Variants in GRK6 observed in about 807,000 individuals in gnomAD.
The protein encoded by GRK6 is G protein-coupled receptor kinase 6.
In GRK6, 37 loss-of-function variants were observed where a neutral mutation model predicts 80.8. The ratio of observed to expected loss-of-function variants is 0.46; its 90% confidence interval spans 0.35 to 0.60. The LOEUF is 0.60. Ranked by LOEUF, GRK6 falls within the 20% of genes least tolerant of loss-of-function variation. The pLI, the probability that GRK6 is intolerant of heterozygous loss-of-function variation, is 0.00. For missense variants in GRK6, 560 were observed against 784.6 expected (o/e 0.71, Z 3.42); for synonymous variants, 295 against 320.9 (o/e 0.92, Z 0.86).
At chr5:177,438,483 T>G (rs765739356) in intron 13 of GRK6, 1 of 152,110 alleles carries the variant, frequency 6.6e-6, no homozygotes, top group Non-Finnish European at 1.5e-5. Context: ...ATGTAAAATA[T>G]GTGAAGCGGA....
rs1280091222 is a variant in GRK6, at chr5:177,428,898, C to G, written c.53-1974C>G. 6.6e-6 allele frequency among the ~76,000 whole-genome samples: 1 copy of G among 152,132 alleles called. No homozygotes were observed. Among genetic ancestry groups the G allele is most frequent in the African/African-American group, 2.4e-5 (1 of 41,402 alleles). ...GAACTGGCTTTTCATGAGCTTGAGG[C>G]TGGGGCCCCTGACGGCTTCTCAAGT... is the stretch of plus-strand genomic sequence containing the variant. On this transcript the variant is annotated intron_variant, in intron 1 of 15. Transcript: ENST00000355472. The surrounding 1 kb of genome is among the most constrained non-coding windows in gnomAD (Gnocchi z 4.1).
At chr5:177,432,646 TG>T in intron 4 of GRK6, 59 bp from the exon 5 acceptor site, 2 of 1,214,072 alleles carry the variant, frequency 1.6e-6, no homozygotes, top group Non-Finnish European at 2.3e-6. Context: ...CCCTCTCCCC[TG>T]GAAGTGGGCA....
chr5:177,442,145 C>T lies in GRK6; in HGVS notation c.*355C>T, dbSNP rs796906825. ...GGGCAGCCAGCCCTGGCTGGGAGAGCGGGAGCTGGCAGAGGAGCCACTGCC... is the reference window on the plus strand; with the variant it reads ...GGGCAGCCAGCCCTGGCTGGGAGAGTGGGAGCTGGCAGAGGAGCCACTGCC... On this transcript the variant is annotated 3_prime_UTR_variant, in exon 16 of 16. Transcript: ENST00000355472. 2.1e-4 allele frequency: 63 copies of T among 306,208 alleles called. 1 individual carries two copies. Among genetic ancestry groups the T allele is most frequent in the African/African-American group, 1.3e-3 (61 of 45,260 alleles). 19.0% of individuals were successfully genotyped at this position (306,208 alleles called of 1,614,324 possible). A position where few individuals can be genotyped will look rare whatever the true frequency, so the allele number is the denominator to read the frequency against.
At chr5:177,435,313 C>G (rs1380767898) in intron 11 of GRK6, among the ~76,000 whole-genome samples, 192 bp downstream of exon 11, 1 of 152,254 alleles carries the variant, frequency 6.6e-6, no homozygotes, top group East Asian at 1.9e-4. Flanking sequence ...GAAGCCATGT[C>G]GTTCATTTGC....
Position 177,441,897 on chromosome 5 carries a change from G to A in GRK6, c.*107G>A. ...CCATTGTCCACTCAAGTCGTGGCCTGGGGAACACAGACGGAGCTGTCCCCA... is the reference window on the plus strand; with the variant it reads ...CCATTGTCCACTCAAGTCGTGGCCTAGGGAACACAGACGGAGCTGTCCCCA... On this transcript the variant is annotated 3_prime_UTR_variant, in exon 16 of 16. Coordinates refer to ENST00000355472, the MANE Select transcript of GRK6 (RefSeq NM_001004106.3). 1 of 1,046,938 alleles carries A rather than the reference G, an allele frequency of 9.6e-7. No homozygotes were observed. Among genetic ancestry groups the A allele is most frequent in the Non-Finnish European group, 1.5e-6 (1 of 687,406 alleles). The allele number at this position is 1,046,938 out of a possible 1,614,324, so 64.9% of individuals were successfully genotyped here.
At chr5:177,430,449 T>C (rs1245554768) in intron 1 of GRK6, among the ~76,000 whole-genome samples, 1 of 152,182 alleles carries the variant, frequency 6.6e-6, no homozygotes, top group African/African-American at 2.4e-5. Flanking sequence ...GGAGCCTCCT[T>C]GTCCCCATGC....
Position 177,433,166 on chromosome 5 carries a change from A to G in GRK6, c.460A>G (p.Ser154Gly). 6.2e-7 allele frequency: 1 copy of G among 1,614,022 alleles called. No homozygotes were observed. The highest frequency in any genetic ancestry group is 8.5e-7 in the Non-Finnish European group (1 of 1,180,002). ...ELTRLTHEYL[S>G]VAPFADYLDS... ...CAACAGGCTGACCCACGAGTACCTG[A>G]GCGTGGCCCCTTTTGCCGACTACCT... The change falls in exon 6 of 16, where the codon AGC (serine) becomes GGC (glycine). Residue 154 changes from serine (S) to glycine (G), a missense_variant. Ser to Gly is a moderately conservative substitution (Grantham distance 56, BLOSUM62 0). This residue lies in a region of GRK6 where 189 missense variants were observed against 230.2 expected (regional missense o/e 0.82). Transcript: ENST00000355472.
intron 1 of GRK6, 86 bp from the exon 2 acceptor site, chr5:177,430,786 C>A: frequency 1.7e-6 from 2 of 1,164,636 alleles, no homozygotes; most frequent in East Asian, 2.4e-5. Context: ...CTTGGCTGGG[C>A]CCTAGAGGCC....
chr5:177,430,225 C>T (rs1032302955), intron 1 of GRK6, among the ~76,000 whole-genome samples: 1 of 152,216 alleles, frequency 6.6e-6, no homozygotes, highest in East Asian at 1.9e-4. Context: ...ATCTGGCCCA[C>T]GTTTCCCACA....
chr5:177,434,422 A>G (rs1446660606), intron 9 of GRK6, among the ~76,000 whole-genome samples: 1 of 152,130 alleles, frequency 6.6e-6, no homozygotes, highest in Admixed American at 6.5e-5. Context: ...CCTACTTCCC[A>G]GGTTGTTAGA....
chr5:177,426,977 G>A (rs1763698625), intron 1 of GRK6, 80 bp downstream of exon 1: 2 of 984,740 alleles, frequency 2.0e-6, no homozygotes, highest in African/African-American at 1.7e-5. Flanking sequence ...GGGCTACCCA[G>A]CCGTCGGATC....
chr5:177,438,859 C>G (rs1311069054), intron 13 of GRK6: 1 of 152,282 alleles, frequency 6.6e-6, no homozygotes, highest in East Asian at 1.9e-4. Context: ...CTCCATACCT[C>G]TTGGTCTATA....
chr5:177,428,756 T>C lies in GRK6; in HGVS notation c.52+1859T>C, dbSNP rs1339369672. On this transcript the variant is annotated intron_variant, in intron 1 of 15. Transcript: ENST00000355472. This position sits in a 1 kb window ranked among gnomAD's most constrained non-coding sequence, Gnocchi z 4.1. ...TTAAACATGTCTCTTCTTTCTCAAC[T>C]TCAGTACCCCTTTTTGTGGAACGGT... Among the ~76,000 whole-genome samples the C allele has an allele frequency of 6.6e-6, 1 of 152,148 alleles. No individual in the cohort carries two copies. Among genetic ancestry groups the C allele is most frequent in the Admixed American group, 6.5e-5 (1 of 15,274 alleles).
chr5:177,441,585 C>T, intron 15 of GRK6, 152 bp from the exon 16 acceptor site: 2 of 750,040 alleles, frequency 2.7e-6, no homozygotes, highest in South Asian at 3.0e-5. Context: ...GCTGCTGCTC[C>T]AGGCTCCTTG....
upstream of GRK6, among the ~76,000 whole-genome samples, chr5:177,426,058 G>C (rs1276341299): frequency 1.3e-5 from 2 of 152,214 alleles, no homozygotes; most frequent in African/African-American, 4.8e-5. Context: ...TGCGGCGACC[G>C]GGCAAGAGGT....
At chr5:177,431,350 C>A (rs1191280298) in intron 2 of GRK6, among the ~76,000 whole-genome samples, 1 of 152,174 alleles carries the variant, frequency 6.6e-6, no homozygotes, top group Admixed American at 6.5e-5. Flanking sequence ...CTCCCAGGCC[C>A]AGCCCTGAGG....
Position 177,436,096 on chromosome 5 carries a change from C to T in GRK6, c.1081C>T (p.Arg361Trp), listed in dbSNP as rs750801806. 1.2e-5 allele frequency: 20 copies of T among 1,613,716 alleles called. No individual in the cohort carries two copies. The highest frequency in any genetic ancestry group is 4.4e-5 in the South Asian group (4 of 91,086). Residue 361 changes from arginine to tryptophan, a missense_variant, in exon 12 of 16, where the codon CGG becomes TGG. Physicochemically the swap from Arg to Trp is moderately radical, Grantham distance 101 (BLOSUM62 -3). Around this residue, in one of 3 missense-constraint regions of GRK6, gnomAD observed 294 missense variants for 397.4 expected, o/e 0.74. Coordinates refer to ENST00000355472, the MANE Select transcript of GRK6 (RefSeq NM_001004106.3). Reference sequence around the variant, plus strand: ...AGCTCCGGAGGTGGTGAAGAATGAACGGTACACGTTCAGCCCTGACTGGTG... The same window carrying T: ...AGCTCCGGAGGTGGTGAAGAATGAATGGTACACGTTCAGCCCTGACTGGTG... Reference protein sequence around the residue: ...YMAPEVVKNERYTFSPDWWAL... With the variant: ...YMAPEVVKNEWYTFSPDWWAL...
In GRK6 at chr5:177,440,703, C is replaced by G; in HGVS notation, c.1408C>G (p.Gln470Glu). The change falls in exon 14 of 16, where the codon CAG (glutamine) becomes GAG (glutamate). Residue 470 changes from glutamine (Q) to glutamate (E), a missense_variant. Physicochemically the swap from Gln to Glu is conservative, Grantham distance 29. Transcript: ENST00000355472. The stretch of plus-strand genomic sequence containing the variant: ...ACCGTTGCCTCTGTCCCACCAGCCC[C>G]AGGCCATTTACTGCAAGGATGTTCT... ...MLEPPFKPDPQAIYCKDVLDI... is the reference protein window; with the variant it reads ...MLEPPFKPDPEAIYCKDVLDI... 6.2e-7 allele frequency: 1 copy of G among 1,614,118 alleles called. No individual in the cohort carries two copies. Among genetic ancestry groups the G allele is most frequent in the Non-Finnish European group, 8.5e-7 (1 of 1,179,956 alleles).
intron 5 of GRK6, among the ~76,000 whole-genome samples, 158 bp downstream of exon 5, chr5:177,432,964 C>G (rs1373023071): frequency 6.6e-6 from 1 of 152,224 alleles, no homozygotes; most frequent in Non-Finnish European, 1.5e-5. Context: ...TGCCTCCCCT[C>G]TCAGTAGCAC....
Sources: allele counts gnomAD v4.1 joint callset (sites outside exome capture counted in the v4.1 genomes callset), GRCh38; gene constraint gnomAD v4.1.1; regional missense constraint gnomAD v4.1.1; non-coding constraint Gnocchi (gnomAD v3.1); transcripts MANE v1.5; gene names NCBI Gene and HGNC (gene_info 2026-07-23, HGNC 2026-07-21).